ABCA13: variants seen among roughly 807,000 people sequenced by gnomAD.
ABCA13 encodes ATP-binding cassette sub-family A member 13.
A neutral mutation model predicts 478.7 loss-of-function variants in ABCA13; 476 were observed. The observed-to-expected ratio is 0.99, with a 90% CI of 0.92 to 1.07. ABCA13 has a LOEUF of 1.07. ABCA13 is among the 50% of genes least tolerant of loss of function. The pLI, the probability that ABCA13 is intolerant of heterozygous loss-of-function variation, is 0.00. For missense variants in ABCA13, 6,060 were observed against 5,910.6 expected, an observed-to-expected ratio of 1.03 and a Z score of -0.83; for synonymous variants, 2,252 against 2,158.9, an observed-to-expected ratio of 1.04 and a Z score of -1.20.
intron 42 of ABCA13, among the ~76,000 whole-genome samples, chr7:48,444,406 TCA>T (rs1340293581): frequency 6.6e-6 from 1 of 152,192 alleles, no homozygotes; most frequent in Non-Finnish European, 1.5e-5. Context: ...TGTTTTAATT[TCA>T]CTGGTGACCA....
rs755997941 is a variant in ABCA13, at chr7:48,507,828, T to C, written c.13347-44T>C. 16 of 1,531,142 alleles carry C rather than the reference T, an allele frequency of 1.0e-5. No individual in the cohort carries two copies. In the South Asian group the frequency reaches 1.5e-4, roughly 14 times the overall value. 94.8% of individuals were successfully genotyped at this position (1,531,142 alleles called of 1,614,324 possible). ...GATTGTTATTAGCAAAGAAGGCTTG[T>C]GTTCTTCGTCAGGTGCCTGAGAGCT... On this transcript the variant is annotated intron_variant, in intron 49 of 61. Transcript: ENST00000435803.
chr7:48,302,111 C>T (rs1269394023), intron 23 of ABCA13, among the ~76,000 whole-genome samples: 1 of 152,168 alleles, frequency 6.6e-6, no homozygotes, highest in African/African-American at 2.4e-5. Flanking sequence ...GGCCTGAAAT[C>T]AAACCCACGT....
rs751898980 is a variant in ABCA13 at position 48,594,715 on chromosome 7, G to T, written c.14646G>T (p.Glu4882Asp). The T allele has an allele frequency of 6.2e-7, 1 of 1,613,776 alleles. No homozygotes were observed. Among genetic ancestry groups the T allele is most frequent in the Non-Finnish European group, 8.5e-7 (1 of 1,179,716 alleles). Residue 4882 changes from glutamate (E) to aspartate (D), a missense_variant, in exon 58 of 62, where the codon GAG becomes GAT. Transcript: ENST00000435803. ...CTGTGTTGCCTTTCCTTCAGGATGAGCCCAGCTCTGGGATGGATCCCTGCT... is the reference window on the plus strand; with the variant it reads ...CTGTGTTGCCTTTCCTTCAGGATGATCCCAGCTCTGGGATGGATCCCTGCT... ...VGKPDILLLDEPSSGMDPCSK... is the reference protein window; with the variant it reads ...VGKPDILLLDDPSSGMDPCSK...
At position 48,275,390 on chromosome 7, in the gene ABCA13, T is replaced by G. The variant is rs770187952; in HGVS notation, c.5724T>G (p.His1908Gln). ...SILLELSEVF[H>Q]VNISLVKTVQ... ...TTCTGGAGCTCTCTGAAGTCTTCCA[T>G]GTTAACATTTCTCTTGTGAAAACTG... The change falls in exon 17 of 62, where the codon CAT (histidine) becomes CAG (glutamine). Residue 1908 changes from histidine to glutamine, a missense_variant. By Grantham distance (24) the His-to-Gln change is conservative. This residue lies in a region of ABCA13 where 4,423 missense variants were observed against 4,309.1 expected (regional missense o/e 1.03). Coordinates refer to ENST00000435803, the MANE Select transcript of ABCA13 (RefSeq NM_152701.5). 14 of 1,614,000 alleles carry G rather than the reference T, an allele frequency of 8.7e-6. No individual in the cohort carries two copies. The highest frequency in any genetic ancestry group is 1.2e-5 in the Non-Finnish European group (14 of 1,179,874).
At chr7:48,572,650 A>G (rs1452002253) in intron 55 of ABCA13, among the ~76,000 whole-genome samples, 1 of 152,190 alleles carries the variant, frequency 6.6e-6, no homozygotes, top group Non-Finnish European at 1.5e-5. Context: ...TTAATTGGGT[A>G]ATAGTTACTA....
rs370633825 is a variant in ABCA13 at position 48,288,161 on chromosome 7, G to T, written c.8955+83G>T. On this transcript the variant is annotated intron_variant, in intron 20 of 61. Transcript: ENST00000435803. The stretch of plus-strand genomic sequence containing the variant: ...GGCAGTCCAGTTATTCAAACTTGCT[G>T]CTTCGTTCTTATAACTACAGCAATG... 1.2e-4 allele frequency: 146 copies of T among 1,257,764 alleles called. No homozygotes were observed. The East Asian group carries it at 1.2e-3, about 10-fold the overall frequency. 77.9% of individuals were successfully genotyped at this position (1,257,764 alleles called of 1,614,324 possible). A position where few individuals can be genotyped will look rare whatever the true frequency, so the allele number is the denominator to read the frequency against.
In ABCA13 at chr7:48,227,620, G is replaced by A. The variant is rs139761084; in HGVS notation, c.632+195G>A. ...TGTACATATTTTATATACAGGCAGT[G>A]ATGTTGTTCAGAGCGTGTGCTCCCT... On this transcript the variant is annotated intron_variant, in intron 6 of 61. Transcript: ENST00000435803. Among the ~76,000 whole-genome samples, 27 of 152,274 alleles carry A rather than the reference G, an allele frequency of 1.8e-4. No homozygotes were observed. The East Asian group carries it at 5.2e-3, about 29-fold the overall frequency.
chr7:48,629,609 C>CA (rs1402120098), intron 59 of ABCA13, among the ~76,000 whole-genome samples: 1 of 135,916 alleles, frequency 7.4e-6, no homozygotes, highest in African/African-American at 2.7e-5. Context: ...CTGCAAAGTC[C>CA]AAAAAAACTC....
rs117521104 is a variant in ABCA13 at position 48,324,951 on chromosome 7, C to T, written c.9999+7655C>T. On this transcript the variant is annotated intron_variant, in intron 27 of 61. Coordinates refer to ENST00000435803, the MANE Select transcript of ABCA13 (RefSeq NM_152701.5). ...ATTTGGAGGAGGAGAAGATGTGCTT[C>T]GAATTGCTTTCTTAATTAAAAATTT... Among the ~76,000 whole-genome samples the T allele has an allele frequency of 2.0e-3, 310 of 152,314 alleles. 1 individual carries two copies. The highest frequency in any genetic ancestry group is 3.7e-3 in the Non-Finnish European group (253 of 68,038).
intron 38 of ABCA13, among the ~76,000 whole-genome samples, chr7:48,392,785 T>G (rs967342808): frequency 2.0e-5 from 3 of 152,150 alleles, no homozygotes; most frequent in African/African-American, 7.2e-5. Flanking sequence ...GTCATGCCAC[T>G]GGGGTGCATG....
intron 38 of ABCA13, among the ~76,000 whole-genome samples, chr7:48,400,135 C>T (rs2129069046): frequency 6.6e-6 from 1 of 152,050 alleles, no homozygotes; most frequent in South Asian, 2.1e-4. Flanking sequence ...GCCACTGTCT[C>T]TGGAGTCAGA....
rs548551148 is a variant in ABCA13 at position 48,567,477 on chromosome 7, G to A, written c.14355-12747G>A. On this transcript the variant is annotated intron_variant, in intron 55 of 61. Transcript: ENST00000435803. ...GCTCATTGAGATTGGGGAGTAGTTG[G>A]TAGGAGACCATCCAAACACATTCTA... Among the ~76,000 whole-genome samples, 3 of 152,084 alleles carry A rather than the reference G, an allele frequency of 2.0e-5. No homozygotes were observed. In the East Asian group the frequency reaches 5.8e-4, roughly 29 times the overall value.
intron 42 of ABCA13, among the ~76,000 whole-genome samples, chr7:48,440,798 A>C (rs1823484102): frequency 6.6e-6 from 1 of 152,016 alleles, no homozygotes; most frequent in Non-Finnish European, 1.5e-5. Flanking sequence ...AATTTGGAGA[A>C]CATTATTAAA....
intron 20 of ABCA13, among the ~76,000 whole-genome samples, chr7:48,291,090 C>T (rs1382819226): frequency 6.6e-6 from 1 of 152,000 alleles, no homozygotes; most frequent in African/African-American, 2.4e-5. Context: ...TGCAGATGCT[C>T]TTCCTGAGTT....
At chr7:48,238,193 A>G (rs1272541941) in intron 8 of ABCA13, among the ~76,000 whole-genome samples, 1 of 152,286 alleles carries the variant, frequency 6.6e-6, no homozygotes, top group East Asian at 1.9e-4. Context: ...GGTCTCTTTT[A>G]TCAGGGTGCT....
At chr7:48,363,455 G>T (rs2129009160) in intron 31 of ABCA13, among the ~76,000 whole-genome samples, 1 of 152,224 alleles carries the variant, frequency 6.6e-6, no homozygotes, top group East Asian at 1.9e-4. Context: ...ATGATGACAA[G>T]ACAAGTCCTT....
At chr7:48,611,702 C>T (rs1020584906) in intron 58 of ABCA13, among the ~76,000 whole-genome samples, 1 of 152,136 alleles carries the variant, frequency 6.6e-6, no homozygotes, top group African/African-American at 2.4e-5. Flanking sequence ...CCAGTTACCT[C>T]CCACCAGGCC....
At position 48,187,422 on chromosome 7, in the gene ABCA13, C is replaced by G. The variant is rs1796517445; in HGVS notation, c.70-5537C>G. Among the ~76,000 whole-genome samples, 5 of 151,920 alleles carry G rather than the reference C, an allele frequency of 3.3e-5. No homozygotes were observed. The South Asian group carries it at 1.0e-3, about 32-fold the overall frequency. ...TTTCAGTCTGCAGATGAAATCTTCT[C>G]TATTTCAGGGAAATTCTCCTATCTT... is the stretch of plus-strand genomic sequence containing the variant. On this transcript the variant is annotated intron_variant, in intron 1 of 61. Coordinates refer to ENST00000435803, the MANE Select transcript of ABCA13 (RefSeq NM_152701.5).
chr7:48,456,930 A>T (rs1825739533), intron 43 of ABCA13, among the ~76,000 whole-genome samples: 1 of 152,170 alleles, frequency 6.6e-6, no homozygotes, highest in East Asian at 1.9e-4. Flanking sequence ...CAAAGGCATC[A>T]GTATTTTTAT....
Sources: gnomAD v4.1 joint callset for allele counts (sites outside exome capture counted in the v4.1 genomes callset) on GRCh38, gnomAD v4.1.1 for gene constraint, gnomAD v4.1.1 regional missense constraint, MANE v1.5 for transcripts, NCBI Gene and HGNC (gene_info 2026-07-23, HGNC 2026-07-21) for gene names.